The following CKAP5 variants were observed in gnomAD, a reference collection of about 807,000 sequenced individuals.
CKAP5 encodes cytoskeleton associated protein 5, also known as cytoskeleton-associated protein 5.
In CKAP5, 27 loss-of-function variants were observed where a neutral mutation model predicts 232.8. The observed-to-expected ratio is 0.12, with a 90% CI of 0.09 to 0.16. CKAP5 has a LOEUF of 0.16. Ranked by LOEUF, CKAP5 falls within the 10% of genes least tolerant of loss-of-function variation. CKAP5 has a pLI of 1.00. For missense variants in CKAP5, 1,838 were observed against 2,424.7 expected, an observed-to-expected ratio of 0.76 and a Z score of 5.08; for synonymous variants, 785 against 841.1, an observed-to-expected ratio of 0.93 and a Z score of 1.16.
chr11:46,839,280 A>T (rs1939994740), intron 1 of CKAP5, among the ~76,000 whole-genome samples: 1 of 152,184 alleles, frequency 6.6e-6, no homozygotes, highest in African/African-American at 2.4e-5. Context: ...GTGAAGTGAG[A>T]AGTTCCAGAA....
At position 46,802,557 on chromosome 11, in the gene CKAP5, G is replaced by GACAGAC. The variant is rs1366464897; in HGVS notation, c.979-1254_979-1253insGTCTGT. On this transcript the variant is annotated intron_variant, in intron 8 of 43. Coordinates refer to ENST00000529230, the MANE Select transcript of CKAP5 (RefSeq NM_001008938.4). ...AGACAGACAGACAGACAGACAGACA[G>GACAGAC]ACACACACACACACACACACACACA... Among the ~76,000 whole-genome samples the GACAGAC allele has an allele frequency of 6.8e-3, 1,006 of 147,496 alleles. 12 individuals are homozygous for GACAGAC. Among genetic ancestry groups the GACAGAC allele is most frequent in the African/African-American group, 0.024 (967 of 39,982 alleles).
Position 46,795,618 on chromosome 11 carries a change from A to G in CKAP5, c.1626T>C (p.Pro542=). Residue 542 remains proline, a synonymous_variant, in exon 13 of 44, where the codon CCT becomes CCC. Transcript: ENST00000529230. ...TKDISAPKPG[P]LKKAPAAKAG... is the part of the protein sequence containing the mutation. ...CCTTAGCAGCAGGTGCCTTTTTTAG[A>G]GGTCCTGGTTTGGGTGCAGAAATGT... 6.2e-7 allele frequency: 1 copy of G among 1,612,894 alleles called. No homozygotes were observed. The highest frequency in any genetic ancestry group is 1.1e-5 in the South Asian group (1 of 90,942).
chr11:46,823,535 A>C (rs1248059168), intron 1 of CKAP5, among the ~76,000 whole-genome samples: 1 of 152,224 alleles, frequency 6.6e-6, no homozygotes, highest in Non-Finnish European at 1.5e-5. Flanking sequence ...ACTCCATTTT[A>C]CAAATGTACC....
chr11:46,757,457 C>T (rs540892855), intron 35 of CKAP5, among the ~76,000 whole-genome samples: 19 of 151,758 alleles, frequency 1.3e-4, no homozygotes, highest in African/African-American at 4.6e-4. Flanking sequence ...CGCCCCACTG[C>T]ACTCCAGACT....
intron 17 of CKAP5, 92 bp downstream of exon 17, chr11:46,784,396 G>T: frequency 9.8e-7 from 1 of 1,020,304 alleles, no homozygotes; most frequent in South Asian, 1.6e-5. Context: ...GATTTTACTT[G>T]AGAAGATAAA....
chr11:46,770,174 T>A, intron 25 of CKAP5, 76 bp from the exon 26 acceptor site: 1 of 1,470,736 alleles, frequency 6.8e-7, no homozygotes, highest in East Asian at 2.3e-5. Flanking sequence ...GAACAAATCC[T>A]CTGTCAAACA....
chr11:46,790,679 G>A (rs532626772), intron 13 of CKAP5, 96 bp from the exon 14 acceptor site: 5 of 777,942 alleles, frequency 6.4e-6, no homozygotes, highest in Non-Finnish European at 8.1e-6. Context: ...GTCTCATATT[G>A]TTGTCGAGCC....
intron 1 of CKAP5, among the ~76,000 whole-genome samples, chr11:46,831,639 C>T (rs2134709011): frequency 6.6e-6 from 1 of 152,216 alleles, no homozygotes; most frequent in East Asian, 1.9e-4. Flanking sequence ...TGTGAGCCTC[C>T]TGCCTCAGCC....
chr11:46,753,483 C>G lies in CKAP5; in HGVS notation c.4884G>C (p.Glu1628Asp). 1 of 1,611,180 alleles carries G rather than the reference C, an allele frequency of 6.2e-7. No individual in the cohort carries two copies. Among genetic ancestry groups the G allele is most frequent in the East Asian group, 2.2e-5 (1 of 44,694 alleles). ...IGNMISLFQI[E>D]SLAREASTGV... The stretch of plus-strand genomic sequence containing the variant: ...CAGTGGAGGCCTCCCGGGCAAGGCT[C>G]TCTATCTGAAACAGCTATCCAGACA... The change falls in exon 37 of 44, where the codon GAG becomes GAC. Residue 1628 changes from glutamate (E) to aspartate (D), a missense_variant. Coordinates refer to ENST00000529230, the MANE Select transcript of CKAP5 (RefSeq NM_001008938.4).
Position 46,751,410 on chromosome 11 carries a change from C to T in CKAP5, c.5258G>A (p.Ser1753Asn). 1 of 1,614,092 alleles carries T rather than the reference C, an allele frequency of 6.2e-7. No homozygotes were observed. The highest frequency in any genetic ancestry group is 1.1e-5 in the South Asian group (1 of 91,078). The change falls in exon 39 of 44, where the codon AGT becomes AAT. Residue 1753 changes from serine (S) to asparagine (N), a missense_variant. Coordinates refer to ENST00000529230, the MANE Select transcript of CKAP5 (RefSeq NM_001008938.4). ...FPKEKLKQCK[S>N]EFPIRTLKTL... ...CTTTAGGGTCCTTATGGGAAATTCA[C>T]TTTTGCATTGCTTCAGTTTCTCTTT...
At chr11:46,788,215 A>C (rs1343458772) in intron 16 of CKAP5, among the ~76,000 whole-genome samples, 2 of 152,194 alleles carry the variant, frequency 1.3e-5, no homozygotes, top group Non-Finnish European at 2.9e-5. Context: ...CCTAATCACC[A>C]CATTGTTCAA....
chr11:46,787,601 AT>A (rs1287242165), intron 16 of CKAP5, among the ~76,000 whole-genome samples: 1 of 152,058 alleles, frequency 6.6e-6, no homozygotes, highest in Non-Finnish European at 1.5e-5. Context: ...GACTGCACTT[AT>A]TTTTTATCCT....
In CKAP5 at chr11:46,744,482, C is replaced by G. The variant is rs754544886; in HGVS notation, c.5800G>C (p.Val1934Leu). Residue 1934 changes from valine (V) to leucine (L), a missense_variant, in exon 43 of 44, where the codon GTC (valine) becomes CTC (leucine). Val to Leu is a conservative substitution (Grantham distance 32). Transcript: ENST00000529230. ...AGGATCTTTAGCCTTTCCAAGTAGA[C>G]AGATGGCCCCACTTCTTCCCCATTT... ...NTNGEEVGPS[V>L]YLERLKILRQ... The G allele has an allele frequency of 6.2e-7, 1 of 1,614,176 alleles. No homozygotes were observed.
intron 9 of CKAP5, among the ~76,000 whole-genome samples, chr11:46,798,999 T>C (rs1225337159): frequency 6.6e-6 from 1 of 152,234 alleles, no homozygotes; most frequent in Non-Finnish European, 1.5e-5. Context: ...TCTCCCACTA[T>C]GGCAGTGCTT....
rs2065307396 is a variant in CKAP5 at position 46,778,215 on chromosome 11, G to A, written c.2672C>T (p.Ala891Val). The change falls in exon 22 of 44, where the codon GCA becomes GTA. Residue 891 changes from alanine (A) to valine (V), a missense_variant. Coordinates refer to ENST00000529230, the MANE Select transcript of CKAP5 (RefSeq NM_001008938.4). ...ACCTATATTCGGTTGGATAAATTTT[G>A]CGTCATTAATAATACCTGCCACTTC... ...LDEVAGIIND[A>V]KFIQPNIGEL... 1.2e-6 allele frequency: 2 copies of A among 1,613,808 alleles called. No individual in the cohort carries two copies. The highest frequency in any genetic ancestry group is 1.7e-6 in the Non-Finnish European group (2 of 1,179,914).
chr11:46,759,204 A>T, intron 34 of CKAP5, 65 bp downstream of exon 34: 1 of 1,538,300 alleles, frequency 6.5e-7, no homozygotes, highest in South Asian at 1.2e-5. Flanking sequence ...TACAAAGGGC[A>T]CATTTCACGT....
intron 4 of CKAP5, among the ~76,000 whole-genome samples, chr11:46,812,639 T>C (rs936799333): frequency 2.6e-5 from 4 of 152,090 alleles, no homozygotes; most frequent in Non-Finnish European, 5.9e-5. Context: ...TTCTTGGTTT[T>C]TGTTTTTACT....
chr11:46,842,611 G>A (rs1301054799), intron 1 of CKAP5, among the ~76,000 whole-genome samples: 4 of 152,190 alleles, frequency 2.6e-5, no homozygotes, highest in African/African-American at 9.7e-5. Context: ...TAGGTTAAGA[G>A]AATGGTGAGA....
intron 36 of CKAP5, among the ~76,000 whole-genome samples, chr11:46,754,510 G>A (rs576909133): frequency 2.4e-4 from 36 of 152,102 alleles, no homozygotes; most frequent in Non-Finnish European, 4.6e-4. Context: ...TGTAATAATT[G>A]TACAAATTTA....
Sources: allele counts gnomAD v4.1 joint callset (sites outside exome capture counted in the v4.1 genomes callset), GRCh38; gene constraint gnomAD v4.1.1; transcripts MANE v1.5; gene names NCBI Gene and HGNC (gene_info 2026-07-23, HGNC 2026-07-21).